The following CMC2 variants were observed in gnomAD, a reference collection of about 807,000 sequenced individuals.
The protein encoded by CMC2 is C-X9-C motif containing 2, also known as COX assembly mitochondrial protein 2 homolog.
CMC2 carries 5 observed loss-of-function variants against 7.5 expected under a neutral mutation model. The observed-to-expected ratio is 0.66, with a 90% confidence interval of 0.35 to 1.40. The LOEUF (loss-of-function observed/expected upper bound fraction) is 1.40. Among genes scored for constraint, CMC2 ranks in the 40% most tolerant of loss-of-function variants. The probability of loss-of-function intolerance (pLI) is 0.04; values close to 1 mark genes in which losing one functional copy is unlikely to be tolerated. For missense variants in CMC2, 115 were observed against 92.3 expected (o/e 1.25, Z -1.01); for synonymous variants, 37 against 31.4 (o/e 1.18, Z -0.60).
chr16:80,993,669 C>G lies in CMC2; in HGVS notation c.81+3645G>C, dbSNP rs182910181. On this transcript the variant is annotated intron_variant, in intron 2 of 3. Coordinates refer to ENST00000219400, the MANE Select transcript of CMC2 (RefSeq NM_020188.5). The stretch of plus-strand genomic sequence containing the variant: ...TATGCAAGTCAATCAGTAAAGAATC[C>G]TAATTTAGTAATTGGGCTAAGCTAA... 1.4e-4 allele frequency among the ~76,000 whole-genome samples: 21 copies of G among 145,272 alleles called. No individual in the cohort carries two copies. The East Asian group carries it at 4.2e-3, about 29-fold the overall frequency.
chr16:81,003,171 G>C (rs1968994064), intron 1 of CMC2, among the ~76,000 whole-genome samples: 1 of 152,166 alleles, frequency 6.6e-6, no homozygotes, highest in African/African-American at 2.4e-5. Flanking sequence ...TGTAAAAATG[G>C]CAATGTTCTC....
At chr16:81,006,652 G>A (rs1281915775) in intron 1 of CMC2, 82 bp downstream of exon 1, 2 of 955,888 alleles carry the variant, frequency 2.1e-6, no homozygotes, top group Non-Finnish European at 2.5e-6. Flanking sequence ...GCGGCAGGAA[G>A]GGGCTCGGCG....
At chr16:80,997,999 T>C (rs1048735025) in intron 1 of CMC2, 7 of 151,916 alleles carry the variant, frequency 4.6e-5, no homozygotes, top group African/African-American at 1.7e-4. Context: ...ATTATTACAC[T>C]GAAAACATGA....
intron 2 of CMC2, among the ~76,000 whole-genome samples, chr16:80,995,565 G>A (rs114890444): frequency 0.016 from 2,412 of 152,168 alleles, 60 homozygotes; most frequent in African/African-American, 0.054. Flanking sequence ...ACTGAGACAG[G>A]AGAAACACTT....
At chr16:80,989,782 T>A (rs984763499) in intron 2 of CMC2, among the ~76,000 whole-genome samples, 1 of 152,224 alleles carries the variant, frequency 6.6e-6, no homozygotes, top group African/African-American at 2.4e-5. Flanking sequence ...ACAGGATACA[T>A]CCTAGTCTTT....
At chr16:80,995,354 A>G (rs988649782) in intron 2 of CMC2, among the ~76,000 whole-genome samples, 1 of 149,034 alleles carries the variant, frequency 6.7e-6, no homozygotes, top group Non-Finnish European at 1.5e-5. Context: ...ATGGTGCAAA[A>G]TATAGGAATA....
intron 3 of CMC2, chr16:80,980,905 A>C (rs1368122382): frequency 2.9e-6 from 2 of 695,896 alleles, no homozygotes; most frequent in Admixed American, 4.1e-5. Flanking sequence ...AAAGAAAAAA[A>C]GAAACAAACT....
chr16:80,979,654 T>C (rs61540150), intron 3 of CMC2, among the ~76,000 whole-genome samples: 8,982 of 152,186 alleles, frequency 0.059, 383 homozygotes, highest in East Asian at 0.21. Flanking sequence ...AGTCTCTCAC[T>C]CTGTCACCCA....
At chr16:80,980,933 A>G in intron 3 of CMC2, 1 of 641,526 alleles carries the variant, frequency 1.6e-6, no homozygotes. Flanking sequence ...TTCACTGAGT[A>G]CTCCAAAAAG....
intron 2 of CMC2, among the ~76,000 whole-genome samples, chr16:80,992,404 A>G (rs937873547): frequency 7.2e-5 from 11 of 152,186 alleles, no homozygotes; most frequent in South Asian, 2.1e-4. Flanking sequence ...TAAAAAGCAA[A>G]TATACGGCAG....
rs9936359 is a variant in CMC2, at chr16:80,967,818, T to C, written c.*8275A>G. 3.9e-5 allele frequency: 6 copies of C among 152,102 alleles called. No homozygotes were observed. The highest frequency in any genetic ancestry group is 1.2e-4 in the African/African-American group (5 of 41,412). 9.4% of individuals were successfully genotyped at this position (152,102 alleles called of 1,614,324 possible). A position where few individuals can be genotyped will look rare whatever the true frequency, so the allele number is the denominator to read the frequency against. On this transcript the variant is annotated 3_prime_UTR_variant, in exon 4 of 4. Transcript: ENST00000219400. ...TTTCTTAGCCCTCTACTCGCCAGAG[T>C]TGAGGAAAAAGTAAATGCCCTGAGA... is the stretch of plus-strand genomic sequence containing the variant.
chr16:80,992,521 ACT>A (rs1443583514), intron 2 of CMC2, among the ~76,000 whole-genome samples: 2 of 152,256 alleles, frequency 1.3e-5, no homozygotes, highest in East Asian at 3.9e-4. Flanking sequence ...GCGCTGTCAC[ACT>A]GTTTAATTTG....
Position 80,971,584 on chromosome 16 carries a change from A to ATATATATATGTGTG in CMC2, c.*4508_*4509insCACACATATATATA, listed in dbSNP as rs778193287. 2.9e-5 allele frequency: 4 copies of ATATATATATGTGTG among 139,546 alleles called. No individual in the cohort carries two copies. Among genetic ancestry groups the ATATATATATGTGTG allele is most frequent in the Non-Finnish European group, 6.0e-5 (4 of 66,284 alleles). 8.6% of individuals were successfully genotyped at this position (139,546 alleles called of 1,614,324 possible). A position where few individuals can be genotyped will look rare whatever the true frequency, so the allele number is the denominator to read the frequency against. On this transcript the variant is annotated 3_prime_UTR_variant, in exon 4 of 4. Coordinates refer to ENST00000219400, the MANE Select transcript of CMC2 (RefSeq NM_020188.5). ...ACATTTTATATATATATATATATAT[A>ATATATATATGTGTG]TGTATGAAATCATGCATATATATAT...
intron 2 of CMC2, chr16:80,982,313 C>G (rs987884958): frequency 6.5e-6 from 1 of 152,996 alleles, no homozygotes; most frequent in Non-Finnish European, 1.5e-5. Flanking sequence ...CAAGATCGGC[C>G]TGGCCAAAAT....
At chr16:80,978,951 G>A (rs1363175411) in intron 3 of CMC2, among the ~76,000 whole-genome samples, 2 of 151,990 alleles carry the variant, frequency 1.3e-5, no homozygotes, top group African/African-American at 2.4e-5. Flanking sequence ...CGTGGTGGTG[G>A]GCACCTGTAG....
intron 3 of CMC2, among the ~76,000 whole-genome samples, chr16:80,979,398 C>A (rs892061640): frequency 1.3e-5 from 2 of 152,102 alleles, no homozygotes; most frequent in African/African-American, 4.8e-5. Context: ...CAAAAAGTCA[C>A]TAACAGATCT....
chr16:81,003,468 T>C (rs1969015882), intron 1 of CMC2, among the ~76,000 whole-genome samples: 1 of 152,206 alleles, frequency 6.6e-6, no homozygotes, highest in Non-Finnish European at 1.5e-5. Flanking sequence ...TGAGAAACTG[T>C]CTTTTTATAG....
In CMC2 at chr16:80,976,197, G is replaced by T. The variant is rs370096810; in HGVS notation, c.154-18C>A. On this transcript the variant is annotated intron_variant, in intron 3 of 3. Coordinates refer to ENST00000219400, the MANE Select transcript of CMC2 (RefSeq NM_020188.5). ...TCTACGTACTGAAAAATAAAAGAAG[G>T]GGGGGAGAAAAGAAACAGCAGATTA... The T allele has an allele frequency of 6.9e-5, 98 of 1,412,982 alleles. No individual in the cohort carries two copies. The African/African-American group carries it at 9.1e-4, about 13-fold the overall frequency. The allele number at this position is 1,412,982 out of a possible 1,614,324, so 87.5% of individuals were successfully genotyped here.
rs908382254 is a variant in CMC2, at chr16:80,967,805, C to T, written c.*8288G>A. On this transcript the variant is annotated 3_prime_UTR_variant, in exon 4 of 4. Coordinates refer to ENST00000219400, the MANE Select transcript of CMC2 (RefSeq NM_020188.5). ...CAGAATGCTTTACTTTCTTAGCCCTCTACTCGCCAGAGTTGAGGAAAAAGT... is the reference window on the plus strand; with the variant it reads ...CAGAATGCTTTACTTTCTTAGCCCTTTACTCGCCAGAGTTGAGGAAAAAGT... 2.6e-5 allele frequency: 4 copies of T among 152,216 alleles called. No individual in the cohort carries two copies. Among genetic ancestry groups the T allele is most frequent in the Non-Finnish European group, 4.4e-5 (3 of 68,032 alleles). 9.4% of individuals were successfully genotyped at this position (152,216 alleles called of 1,614,324 possible). A position where few individuals can be genotyped will look rare whatever the true frequency, so the allele number is the denominator to read the frequency against.
Sources: gnomAD v4.1 joint callset for allele counts (sites outside exome capture counted in the v4.1 genomes callset) on GRCh38, gnomAD v4.1.1 for gene constraint, MANE v1.5 for transcripts, NCBI Gene and HGNC (gene_info 2026-07-23, HGNC 2026-07-21) for gene names.